Variants in TBC1D32 observed in about 807,000 individuals in gnomAD.
TBC1D32 encodes the protein protein broad-minded.
A neutral mutation model predicts 170.3 loss-of-function variants in TBC1D32; 151 were observed. The observed-to-expected ratio is 0.89, with a 90% CI of 0.78 to 1.01. The LOEUF (loss-of-function observed/expected upper bound fraction) is 1.01, where lower values mean the gene tolerates loss of function less well. Among genes scored for constraint, TBC1D32 ranks in the 50% least tolerant of loss-of-function variants. The probability of loss-of-function intolerance (pLI) is 0.00; values close to 1 mark genes in which losing one functional copy is unlikely to be tolerated. For missense variants in TBC1D32, 1,464 were observed against 1,457.1 expected (o/e 1.00, Z -0.08); for synonymous variants, 498 against 488.0 (o/e 1.02, Z -0.27).
chr6:121,233,143 G>A (rs983131033), intron 20 of TBC1D32, among the ~76,000 whole-genome samples: 4 of 152,000 alleles, frequency 2.6e-5, no homozygotes, highest in African/African-American at 9.7e-5. Context: ...GGTCTATCTT[G>A]GAGGATGTTC....
chr6:121,156,873 G>A lies in TBC1D32; in HGVS notation c.2773+3137C>T, dbSNP rs181615088. 1.5e-3 allele frequency among the ~76,000 whole-genome samples: 235 copies of A among 152,232 alleles called. 1 individual carries two copies. The highest frequency in any genetic ancestry group is 0.014 in the Middle Eastern group (4 of 294). On this transcript the variant is annotated intron_variant, in intron 24 of 31. Coordinates refer to ENST00000398212, the MANE Select transcript of TBC1D32 (RefSeq NM_152730.6). ...CCATTTTTATGGCACTGTGGTCTGAGAGTGTGCTTGGCATCATTTTTAAAA... is the reference window on the plus strand; with the variant it reads ...CCATTTTTATGGCACTGTGGTCTGAAAGTGTGCTTGGCATCATTTTTAAAA...
chr6:121,290,112 C>T lies in TBC1D32; in HGVS notation c.1372+1941G>A, dbSNP rs1026443213. Among the ~76,000 whole-genome samples, 6 of 152,196 alleles carry T rather than the reference C, an allele frequency of 3.9e-5. No homozygotes were observed. In the East Asian group the frequency reaches 9.7e-4, roughly 25 times the overall value. On this transcript the variant is annotated intron_variant, in intron 12 of 31. Transcript: ENST00000398212. Reference sequence around the variant, plus strand: ...GGACAAGGACTTCATGTCTAAAACACCAAAAGCAATGGCAACAAAAGACAA... The same window carrying T: ...GGACAAGGACTTCATGTCTAAAACATCAAAAGCAATGGCAACAAAAGACAA...
At position 121,090,870 on chromosome 6, in the gene TBC1D32, G is replaced by A; in HGVS notation, c.3637C>T (p.Leu1213=). ...DILQHTQTQD[L]QVFLKEEALH... Reference sequence around the variant, plus strand: ...ATACTTACTTTTAGGAAAACTTGCAGATCTTGAGTCTGAGTGTGCTGTAGA... The same window carrying A: ...ATACTTACTTTTAGGAAAACTTGCAAATCTTGAGTCTGAGTGTGCTGTAGA... Residue 1213 remains leucine, a synonymous_variant, in exon 31 of 32, where the codon CTG becomes TTG. Coordinates refer to ENST00000398212, the MANE Select transcript of TBC1D32 (RefSeq NM_152730.6). 1.2e-6 allele frequency: 2 copies of A among 1,609,656 alleles called. No individual in the cohort carries two copies. Among genetic ancestry groups the A allele is most frequent in the South Asian group, 1.1e-5 (1 of 90,062 alleles).
chr6:121,152,015 T>C (rs1784282026), intron 24 of TBC1D32, among the ~76,000 whole-genome samples: 2 of 152,206 alleles, frequency 1.3e-5, no homozygotes, highest in African/African-American at 2.4e-5. Context: ...AAGGTTAATA[T>C]TGTTATGTGT....
chr6:121,112,974 C>T lies in TBC1D32; in HGVS notation c.3169+88G>A, dbSNP rs1446380884. 8.6e-6 allele frequency: 8 copies of T among 927,568 alleles called. No homozygotes were observed. In the Admixed American group the frequency reaches 1.9e-4, roughly 22 times the overall value. The allele number at this position is 927,568 out of a possible 1,614,324, so 57.5% of individuals were successfully genotyped here. On this transcript the variant is annotated intron_variant, in intron 28 of 31. Transcript: ENST00000398212. Reference sequence around the variant, plus strand: ...TAATATAGCTTAAAGTACTACTTTACTATAAATGTGTCAAGGTATATCATC... The same window carrying T: ...TAATATAGCTTAAAGTACTACTTTATTATAAATGTGTCAAGGTATATCATC...
chr6:121,120,651 A>G (rs1031558188), intron 26 of TBC1D32, among the ~76,000 whole-genome samples: 1 of 151,918 alleles, frequency 6.6e-6, no homozygotes, highest in Non-Finnish European at 1.5e-5. Flanking sequence ...TCTCTTCCCA[A>G]TTTATGTTTT....
intron 25 of TBC1D32, among the ~76,000 whole-genome samples, chr6:121,126,882 T>G (rs1437455470): frequency 2.0e-5 from 3 of 152,148 alleles, no homozygotes; most frequent in Admixed American, 6.6e-5. Context: ...ATATTATATG[T>G]TTTATATGCT....
chr6:121,182,497 C>T (rs555029977), intron 22 of TBC1D32, among the ~76,000 whole-genome samples: 3 of 151,878 alleles, frequency 2.0e-5, no homozygotes, highest in Non-Finnish European at 4.4e-5. Flanking sequence ...ATTTGGTACT[C>T]AATTATGTAA....
chr6:121,153,290 C>T (rs1784441339), intron 24 of TBC1D32, among the ~76,000 whole-genome samples: 1 of 152,162 alleles, frequency 6.6e-6, no homozygotes, highest in Non-Finnish European at 1.5e-5. Flanking sequence ...GAGTCCACTC[C>T]AGGCCATGTT....
intron 22 of TBC1D32, among the ~76,000 whole-genome samples, chr6:121,199,522 A>G (rs1324137505): frequency 6.6e-6 from 1 of 151,414 alleles, no homozygotes; most frequent in African/African-American, 2.4e-5. Context: ...CTATGTAAAC[A>G]AGAATTGTTT....
At chr6:121,205,279 C>T in intron 21 of TBC1D32, 116 bp from the exon 22 acceptor site, 1 of 499,214 alleles carries the variant, frequency 2.0e-6, no homozygotes, top group Non-Finnish European at 3.6e-6. Flanking sequence ...AAGGAAATCA[C>T]CTGGGGAGCT....
chr6:121,131,881 T>A lies in TBC1D32; in HGVS notation c.2774-129A>T, dbSNP rs541822681. On this transcript the variant is annotated intron_variant, in intron 24 of 31. Transcript: ENST00000398212. ...TATGGCTTTCAAAGGAAAACAGATA[T>A]TCTTCTGTAATTACATCTTATACCA... The A allele has an allele frequency of 1.5e-5, 9 of 609,714 alleles. No homozygotes were observed. In the East Asian group the frequency reaches 2.5e-4, roughly 17 times the overall value. 37.8% of individuals were successfully genotyped at this position (609,714 alleles called of 1,614,324 possible). A position where few individuals can be genotyped will look rare whatever the true frequency, so the allele number is the denominator to read the frequency against.
intron 4 of TBC1D32, among the ~76,000 whole-genome samples, 183 bp downstream of exon 4, chr6:121,310,596 G>T (rs1467017040): frequency 6.6e-6 from 1 of 152,152 alleles, no homozygotes; most frequent in Non-Finnish European, 1.5e-5. Flanking sequence ...TCTGAGGAAA[G>T]CCTCCCTTAT....
chr6:121,138,102 T>C (rs78916036), intron 24 of TBC1D32, among the ~76,000 whole-genome samples: 2,131 of 152,160 alleles, frequency 0.014, 45 homozygotes, highest in African/African-American at 0.047. Context: ...AGGAAAAACA[T>C]TGGAGTGGTC....
chr6:121,333,486 CTT>C (rs753315675), intron 1 of TBC1D32, among the ~76,000 whole-genome samples: 66 of 152,140 alleles, frequency 4.3e-4, no homozygotes, highest in Non-Finnish European at 6.9e-4. Flanking sequence ...TCTAGACAAA[CTT>C]AAGAAACTAT....
chr6:121,223,504 G>T, intron 20 of TBC1D32, 152 bp from the exon 21 acceptor site: 2 of 625,540 alleles, frequency 3.2e-6, no homozygotes, highest in Non-Finnish European at 2.8e-6. Context: ...ACATATATAA[G>T]TACAAAACAG....
At chr6:121,247,252 C>A (rs925499208) in intron 17 of TBC1D32, among the ~76,000 whole-genome samples, 1 of 151,922 alleles carries the variant, frequency 6.6e-6, no homozygotes, top group Non-Finnish European at 1.5e-5. Flanking sequence ...CAGATAAAAT[C>A]TTTTTCAGAC....
chr6:121,279,317 C>T (rs915898703), intron 14 of TBC1D32, 72 bp from the exon 15 acceptor site: 42 of 1,511,896 alleles, frequency 2.8e-5, no homozygotes, highest in Non-Finnish European at 3.4e-5. Context: ...GACTAAAATC[C>T]GAGGATTGTA....
At position 121,308,065 on chromosome 6, in the gene TBC1D32, G is replaced by A. The variant is rs370854423; in HGVS notation, c.601C>T (p.Pro201Ser). The change falls in exon 5 of 32, where the codon CCT (proline) becomes TCT (serine). Residue 201 changes from proline to serine, a missense_variant. This residue lies in a region of TBC1D32 where 1,363 missense variants were observed against 1,338.1 expected (regional missense o/e 1.02). Transcript: ENST00000398212. ...TCACAGTTGAGGACATCAGATGGAG[G>A]AGCTGAACATAATGTTTGCAAGGCT... The part of the protein sequence containing the change: ...YEALQTLCSA[P>S]PSDVLNCENW... 30 of 1,613,650 alleles carry A rather than the reference G, an allele frequency of 1.9e-5. No individual in the cohort carries two copies. The highest frequency in any genetic ancestry group is 3.3e-5 in the Admixed American group (2 of 59,950).
Sources: allele counts gnomAD v4.1 joint callset (sites outside exome capture counted in the v4.1 genomes callset), GRCh38; gene constraint gnomAD v4.1.1; regional missense constraint gnomAD v4.1.1; transcripts MANE v1.5; gene names NCBI Gene and HGNC (gene_info 2026-07-23, HGNC 2026-07-21).